The following TPR variants were observed in gnomAD, a reference collection of about 807,000 sequenced individuals.
TPR encodes nucleoprotein TPR.
In TPR, 51 loss-of-function variants were observed where a neutral mutation model predicts 316.1. That is an observed-to-expected ratio of 0.16 (90% CI 0.13 to 0.20). TPR has a LOEUF of 0.20. Among genes scored for constraint, TPR ranks in the 10% least tolerant of loss-of-function variants. TPR has a pLI of 1.00. For synonymous variants in TPR, 981 were observed against 914.7 expected (o/e 1.07, Z -1.31); for missense variants, 2,272 against 2,754.8 (o/e 0.82, Z 3.92).
At chr1:186,316,849 C>T (rs568515161) in intron 49 of TPR, among the ~76,000 whole-genome samples, 82 of 152,284 alleles carry the variant, frequency 5.4e-4, no homozygotes, top group African/African-American at 1.9e-3. Flanking sequence ...CTACATGATA[C>T]ACAGTTAAGT....
chr1:186,360,385 C>A, intron 10 of TPR, 21 bp from the exon 11 acceptor site: 1 of 1,608,046 alleles, frequency 6.2e-7, no homozygotes, highest in East Asian at 2.2e-5. Context: ...AAATACACAT[C>A]TAGTATAATT....
chr1:186,334,320 C>G lies in TPR; in HGVS notation c.5182+5G>C. On this transcript the variant is annotated splice_donor_5th_base_variant and intron_variant, in intron 36 of 50. Transcript: ENST00000367478. ...GTCTCATCAGATCTGTATTATTTTA[C>G]TAACCTTCCTGTGATTCCACTTGTG... 6.2e-7 allele frequency: 1 copy of G among 1,608,784 alleles called. No individual in the cohort carries two copies. The highest frequency in any genetic ancestry group is 8.5e-7 in the Non-Finnish European group (1 of 1,176,948).
At position 186,356,319 on chromosome 1, in the gene TPR, A is replaced by G. The variant is rs2101980139; in HGVS notation, c.1855T>C (p.Ser619Pro). 1 of 1,609,290 alleles carries G rather than the reference A, an allele frequency of 6.2e-7. No individual in the cohort carries two copies. The highest frequency in any genetic ancestry group is 8.5e-7 in the Non-Finnish European group (1 of 1,176,806). Residue 619 changes from serine (S) to proline (P), a missense_variant, in exon 15 of 51, where the codon TCA becomes CCA. Ser to Pro is a moderately conservative substitution (Grantham distance 74, BLOSUM62 -1). Transcript: ENST00000367478. ...GGAATGGCAACTCCTGTTGTTTGTGACAATAAAATACGGTACATATCACGC... is the reference window on the plus strand; with the variant it reads ...GGAATGGCAACTCCTGTTGTTTGTGGCAATAAAATACGGTACATATCACGC... ...RQRDMYRILL[S>P]QTTGVAIPLH...
chr1:186,331,655 C>G, intron 38 of TPR, 74 bp from the exon 39 acceptor site: 3 of 993,462 alleles, frequency 3.0e-6, no homozygotes, highest in Non-Finnish European at 4.3e-6. Flanking sequence ...TGTTAGTTCT[C>G]TCATTTGAAA....
intron 30 of TPR, 116 bp downstream of exon 30, chr1:186,339,526 G>T: frequency 1.2e-6 from 1 of 811,598 alleles, no homozygotes; most frequent in Non-Finnish European, 1.7e-6. Context: ...AGATATAGGT[G>T]CTCTAGCACT....
chr1:186,344,904 TAA>T (rs1250811219), intron 24 of TPR, among the ~76,000 whole-genome samples: 1 of 152,134 alleles, frequency 6.6e-6, no homozygotes, highest in Admixed American at 6.6e-5. Context: ...TATTACATTT[TAA>T]AATAGCAATA....
At chr1:186,340,838 A>G (rs189691431) in intron 29 of TPR, among the ~76,000 whole-genome samples, 190 bp downstream of exon 29, 75 of 152,304 alleles carry the variant, frequency 4.9e-4, no homozygotes, top group African/African-American at 1.8e-3. Flanking sequence ...TAATATAACC[A>G]AAATTTTTTA....
intron 35 of TPR, 139 bp from the exon 36 acceptor site, chr1:186,334,672 A>G (rs756947492): frequency 2.6e-5 from 23 of 895,460 alleles, no homozygotes; most frequent in Admixed American, 5.8e-5. Flanking sequence ...GAATTTAAGC[A>G]TTAAAAACTA....
intron 31 of TPR, among the ~76,000 whole-genome samples, chr1:186,337,480 A>G (rs1392179401): frequency 6.6e-6 from 1 of 152,154 alleles, no homozygotes; most frequent in Non-Finnish European, 1.5e-5. Flanking sequence ...CTTTGGAAAA[A>G]CGTCGCTTAC....
intron 39 of TPR, among the ~76,000 whole-genome samples, chr1:186,330,717 T>C (rs535049730): frequency 6.1e-4 from 93 of 152,196 alleles, no homozygotes; most frequent in African/African-American, 2.2e-3. Flanking sequence ...AGACTATTTC[T>C]TCCTCATGAG....
intron 38 of TPR, among the ~76,000 whole-genome samples, chr1:186,331,987 A>G (rs1328831557): frequency 6.6e-6 from 1 of 152,136 alleles, no homozygotes; most frequent in Non-Finnish European, 1.5e-5. Context: ...AAATAGAAAC[A>G]AATGCAATTA....
At chr1:186,359,710 G>A in intron 12 of TPR, 89 bp downstream of exon 12, 1 of 1,310,526 alleles carries the variant, frequency 7.6e-7, no homozygotes, top group Non-Finnish European at 1.0e-6. Flanking sequence ...AGATTTTTCT[G>A]ACTCAATCAC....
intron 45 of TPR, among the ~76,000 whole-genome samples, chr1:186,321,126 GT>G (rs1456746132): frequency 6.6e-6 from 1 of 152,156 alleles, no homozygotes; most frequent in African/African-American, 2.4e-5. Context: ...AATTCTGCAT[GT>G]TTATTGGAGT....
rs540033043 is a variant in TPR at position 186,362,450 on chromosome 1, T to C, written c.697-70A>G. The C allele has an allele frequency of 1.0e-5, 13 of 1,254,982 alleles. No homozygotes were observed. In the African/African-American group the frequency reaches 1.1e-4, roughly 10 times the overall value. 77.7% of individuals were successfully genotyped at this position (1,254,982 alleles called of 1,614,324 possible). On this transcript the variant is annotated intron_variant, in intron 6 of 50. Transcript: ENST00000367478. ...TGAAATTACTCTGACATGAGGTTTA[T>C]GCTGCTAAGGAAAAGCTAAGTAACT...
intron 49 of TPR, among the ~76,000 whole-genome samples, chr1:186,315,170 A>G (rs950666203): frequency 6.6e-6 from 1 of 151,598 alleles, no homozygotes; most frequent in Non-Finnish European, 1.5e-5. Context: ...TGCCTTAAAA[A>G]ACACCCAAAA....
At chr1:186,336,894 G>C (rs773704534) in intron 32 of TPR, 119 bp downstream of exon 32, 1 of 1,482,774 alleles carries the variant, frequency 6.7e-7, no homozygotes. Flanking sequence ...GCCATTCAAA[G>C]TAAAAAGAAT....
chr1:186,351,593 C>T lies in TPR; in HGVS notation c.2470-123G>A, dbSNP rs1029878846. The T allele has an allele frequency of 1.5e-5, 15 of 1,000,496 alleles. No individual in the cohort carries two copies. The Admixed American group carries it at 5.5e-4, about 37-fold the overall frequency. 62.0% of individuals were successfully genotyped at this position (1,000,496 alleles called of 1,614,324 possible). A position where few individuals can be genotyped will look rare whatever the true frequency, so the allele number is the denominator to read the frequency against. On this transcript the variant is annotated intron_variant, in intron 19 of 50. Coordinates refer to ENST00000367478, the MANE Select transcript of TPR (RefSeq NM_003292.3). The stretch of plus-strand genomic sequence containing the variant: ...TTCTACATGAAGCAGCTAAAATCTA[C>T]AGTATTTATCAAGAAAGTATTCTGG...
intron 36 of TPR, 61 bp downstream of exon 36, chr1:186,334,264 G>A: frequency 6.9e-7 from 1 of 1,448,962 alleles, no homozygotes. Flanking sequence ...TGAAATTACT[G>A]TCATCTTCTC....
At position 186,323,861 on chromosome 1, in the gene TPR, T is replaced by C. The variant is rs1463812226; in HGVS notation, c.6122A>G (p.Asn2041Ser). The C allele has an allele frequency of 1.3e-6, 2 of 1,542,904 alleles. No individual in the cohort carries two copies. The highest frequency in any genetic ancestry group is 2.3e-5 in the Admixed American group (1 of 42,716). The change falls in exon 43 of 51, where the codon AAT becomes AGT. Residue 2041 changes from asparagine (N) to serine (S), a missense_variant. Asn to Ser is a conservative substitution (Grantham distance 46, BLOSUM62 1). Around this residue, in one of 10 missense-constraint regions of TPR, gnomAD observed 435 missense variants for 461.1 expected, o/e 0.94. Coordinates refer to ENST00000367478, the MANE Select transcript of TPR (RefSeq NM_003292.3). ...AADSQNSGEGNTGAAESSFSQ... is the reference protein window; with the variant it reads ...AADSQNSGEGSTGAAESSFSQ... ...AAAAGAAGATTCTGCAGCACCTGTA[T>C]TTCCTTCACCTGTAGGAAAAGAGAA... is the stretch of plus-strand genomic sequence containing the variant.
Sources: allele counts gnomAD v4.1 joint callset (sites outside exome capture counted in the v4.1 genomes callset), GRCh38; gene constraint gnomAD v4.1.1; regional missense constraint gnomAD v4.1.1; transcripts MANE v1.5; gene names NCBI Gene and HGNC (gene_info 2026-07-23, HGNC 2026-07-21).